Variants in TMEM117 observed in about 807,000 individuals in gnomAD.
TMEM117 encodes the protein transmembrane protein 117.
A neutral mutation model predicts 52.4 loss-of-function variants in TMEM117; 27 were observed. The ratio of observed to expected loss-of-function variants is 0.51; its 90% CI spans 0.38 to 0.71. The LOEUF (loss-of-function observed/expected upper bound fraction) is 0.71. TMEM117 is among the 30% of genes least tolerant of loss of function. TMEM117 has a pLI of 0.00. For missense variants in TMEM117, 556 were observed against 630.5 expected, an observed-to-expected ratio of 0.88 and a Z score of 1.26; for synonymous variants, 215 against 206.3, an observed-to-expected ratio of 1.04 and a Z score of -0.36.
At chr12:44,063,187 A>G (rs904287962) in intron 3 of TMEM117, among the ~76,000 whole-genome samples, 3 of 152,208 alleles carry the variant, frequency 2.0e-5, no homozygotes, top group African/African-American at 7.2e-5. Flanking sequence ...TTCCTAAAAC[A>G]TGAAGACTGT....
intron 3 of TMEM117, among the ~76,000 whole-genome samples, chr12:43,965,897 A>G (rs1348292616): frequency 1.3e-5 from 2 of 151,828 alleles, no homozygotes; most frequent in Non-Finnish European, 2.9e-5. Flanking sequence ...CCCTAGCCCC[A>G]CTCCATCTCT....
chr12:44,358,407 G>A (rs1391413270), intron 6 of TMEM117, among the ~76,000 whole-genome samples: 2 of 152,128 alleles, frequency 1.3e-5, no homozygotes, highest in African/African-American at 4.8e-5. Context: ...GAAATTCTCA[G>A]AGGATGGTTG....
intron 4 of TMEM117, among the ~76,000 whole-genome samples, chr12:44,168,521 A>G (rs1221957589): frequency 6.6e-6 from 1 of 152,228 alleles, no homozygotes; most frequent in East Asian, 1.9e-4. Context: ...CTGTGTGGTC[A>G]TAACATACTT....
At chr12:43,921,416 G>A (rs890522739) in intron 2 of TMEM117, among the ~76,000 whole-genome samples, 2 of 152,086 alleles carry the variant, frequency 1.3e-5, no homozygotes, top group African/African-American at 4.8e-5. Flanking sequence ...GATAGATCTA[G>A]ATTTAAATCC....
chr12:43,824,033 T>A, the TMEM117 span, among the ~76,000 whole-genome samples: 1 of 152,250 alleles, frequency 6.6e-6, no homozygotes, highest in African/African-American at 2.4e-5. Context: ...CTAGCATTGA[T>A]ATTTTAAAAA....
chr12:44,339,864 A>G (rs1490425550), intron 6 of TMEM117, among the ~76,000 whole-genome samples: 2 of 151,780 alleles, frequency 1.3e-5, no homozygotes, highest in Non-Finnish European at 2.9e-5. Context: ...TCCAATATAC[A>G]TATATTAATA....
upstream of TMEM117, among the ~76,000 whole-genome samples, chr12:43,831,428 T>C (rs1942981356): frequency 2.0e-5 from 3 of 152,262 alleles, no homozygotes; most frequent in South Asian, 6.2e-4. Context: ...GAAATGTACA[T>C]TGAGCATTGA....
At position 44,065,793 on chromosome 12, in the gene TMEM117, C is replaced by T. The variant is rs145573365; in HGVS notation, c.411-77732C>T. ...TGTACAGATAAAAATACCTAGCTAA[C>T]ATTCAGCAAAGTGGGGTAGAGGGCT... On this transcript the variant is annotated intron_variant, in intron 3 of 7. Transcript: ENST00000266534. 3.0e-3 allele frequency among the ~76,000 whole-genome samples: 458 copies of T among 152,294 alleles called. 5 individuals carry two copies. Among genetic ancestry groups the T allele is most frequent in the African/African-American group, 0.01 (417 of 41,568 alleles).
chr12:44,011,671 C>CATACATACATACATACAT (rs1290812625), intron 3 of TMEM117, among the ~76,000 whole-genome samples: 1 of 151,918 alleles, frequency 6.6e-6, no homozygotes, highest in Non-Finnish European at 1.5e-5. Context: ...TACATACATA[C>CATACATACATACATACAT]ATACATATGT....
intron 2 of TMEM117, among the ~76,000 whole-genome samples, chr12:43,898,741 G>A (rs537412578): frequency 2.8e-4 from 43 of 152,250 alleles, no homozygotes; most frequent in African/African-American, 9.9e-4. Context: ...CTGTAATAGG[G>A]TGCTTCTCTT....
intron 5 of TMEM117, among the ~76,000 whole-genome samples, chr12:44,243,318 A>G (rs1950087332): frequency 6.6e-6 from 1 of 151,906 alleles, no homozygotes; most frequent in Non-Finnish European, 1.5e-5. Flanking sequence ...TCTTTATAGA[A>G]TATCTAGAAA....
chr12:43,937,284 A>G (rs1944966857), intron 2 of TMEM117, among the ~76,000 whole-genome samples: 2 of 152,194 alleles, frequency 1.3e-5, no homozygotes, highest in Non-Finnish European at 2.9e-5. Context: ...TTTGAAATAG[A>G]TATTAAGGAG....
intron 2 of TMEM117, among the ~76,000 whole-genome samples, chr12:43,877,906 C>T (rs1007901306): frequency 6.8e-4 from 99 of 145,806 alleles, no homozygotes; most frequent in Non-Finnish European, 9.3e-4. Context: ...CACACACACA[C>T]ACACACACAC....
chr12:44,037,946 G>A (rs1180445897), intron 3 of TMEM117, among the ~76,000 whole-genome samples: 1 of 152,060 alleles, frequency 6.6e-6, no homozygotes, highest in Non-Finnish European at 1.5e-5. Context: ...CCCCCTGGGG[G>A]TCTCCTCTCC....
At chr12:43,836,829 C>A (rs1004403620) in intron 1 of TMEM117, among the ~76,000 whole-genome samples, 18 of 151,100 alleles carry the variant, frequency 1.2e-4, no homozygotes, top group Non-Finnish European at 2.7e-4. Flanking sequence ...GAGAGAGACA[C>A]GGGAGTAAAC....
intron 3 of TMEM117, among the ~76,000 whole-genome samples, chr12:44,114,234 C>T (rs946750526): frequency 6.6e-5 from 10 of 152,116 alleles, no homozygotes; most frequent in African/African-American, 1.4e-4. Flanking sequence ...GCTCCTCCTC[C>T]GTACCAAATT....
chr12:44,314,057 A>G (rs1951024045), intron 6 of TMEM117, among the ~76,000 whole-genome samples: 1 of 152,204 alleles, frequency 6.6e-6, no homozygotes, highest in Admixed American at 6.5e-5. Context: ...AAACTGAGAT[A>G]GTTTGACTTG....
chr12:44,275,529 C>T (rs550102035), intron 5 of TMEM117, among the ~76,000 whole-genome samples: 4 of 151,860 alleles, frequency 2.6e-5, no homozygotes, highest in East Asian at 3.9e-4. Flanking sequence ...ACAATAGCCA[C>T]GATTTGGAAG....
At chr12:44,262,709 C>A (rs1171536950) in intron 5 of TMEM117, among the ~76,000 whole-genome samples, 4 of 152,182 alleles carry the variant, frequency 2.6e-5, no homozygotes, top group Non-Finnish European at 5.9e-5. Flanking sequence ...GCCTCAGCCT[C>A]CTGAGTAGCT....
Sources: allele counts gnomAD v4.1 joint callset (sites outside exome capture counted in the v4.1 genomes callset), GRCh38; gene constraint gnomAD v4.1.1; transcripts MANE v1.5; gene names NCBI Gene and HGNC (gene_info 2026-07-23, HGNC 2026-07-21).